TECPR2: variants seen among roughly 807,000 people sequenced by gnomAD.
TECPR2 encodes the protein tectonin beta-propeller repeat-containing protein 2.
In TECPR2, 65 loss-of-function variants were observed where a neutral mutation model predicts 138.1. The ratio of observed to expected loss-of-function variants is 0.47; its 90% CI spans 0.39 to 0.58. The LOEUF is 0.58. Among genes scored for constraint, TECPR2 ranks in the 20% least tolerant of loss-of-function variants. The pLI is 0.00. For missense variants in TECPR2, 1,553 were observed against 1,824.5 expected (o/e 0.85, Z 2.71); for synonymous variants, 746 against 749.8 (o/e 0.99, Z 0.08).
chr14:102,428,487 A>C (rs975404387), intron 7 of TECPR2, 105 bp downstream of exon 7: 2 of 1,535,622 alleles, frequency 1.3e-6, no homozygotes, highest in East Asian at 4.7e-5. Context: ...TGGGCCAGGC[A>C]TGGTGGCTCA....
intron 17 of TECPR2, among the ~76,000 whole-genome samples, chr14:102,474,572 C>T (rs1468055836): frequency 5.3e-5 from 8 of 152,048 alleles, no homozygotes; most frequent in Admixed American, 3.3e-4. Flanking sequence ...TGTGATGAGC[C>T]GAGATCGCGC....
intron 17 of TECPR2, among the ~76,000 whole-genome samples, chr14:102,493,398 C>A (rs1891200562): frequency 6.6e-6 from 1 of 152,194 alleles, no homozygotes; most frequent in South Asian, 2.1e-4. Context: ...TCAGCCTCGG[C>A]CTCAGCTGGC....
At chr14:102,480,099 G>C (rs1890854072) in intron 17 of TECPR2, among the ~76,000 whole-genome samples, 2 of 152,038 alleles carry the variant, frequency 1.3e-5, no homozygotes, top group Admixed American at 1.3e-4. Context: ...AAAGTGAAGG[G>C]TCATATCCAC....
chr14:102,407,196 C>T, intron 2 of TECPR2, 142 bp from the exon 3 acceptor site: 2 of 1,114,348 alleles, frequency 1.8e-6, no homozygotes, highest in South Asian at 2.1e-5. Context: ...GATGTAATTT[C>T]TGACTTGTAT....
intron 1 of TECPR2, among the ~76,000 whole-genome samples, chr14:102,364,357 C>T (rs551656004): frequency 1.2e-4 from 18 of 152,150 alleles, no homozygotes; most frequent in Non-Finnish European, 2.4e-4. Context: ...ACCTGACTTA[C>T]GTCCCATATT....
chr14:102,452,550 G>A lies in TECPR2; in HGVS notation c.3563G>A (p.Gly1188Asp). ...GCGCTGTGGGCGCTGGACAGCCTCGGCCAGGTGTTCATCAGGACGCTCTCC... is the reference window on the plus strand; with the variant it reads ...GCGCTGTGGGCGCTGGACAGCCTCGACCAGGTGTTCATCAGGACGCTCTCC... Reference protein sequence around the residue: ...QDALWALDSLGQVFIRTLSKS... With the variant: ...QDALWALDSLDQVFIRTLSKS... The change falls in exon 16 of 20, where the codon GGC becomes GAC. Residue 1188 changes from glycine to aspartate, a missense_variant. Transcript: ENST00000359520. The A allele has an allele frequency of 1.9e-6, 3 of 1,611,106 alleles. No homozygotes were observed. The highest frequency in any genetic ancestry group is 2.2e-5 in the East Asian group (1 of 44,800).
chr14:102,431,705 A>G, intron 7 of TECPR2, 91 bp from the exon 8 acceptor site: 1 of 1,300,348 alleles, frequency 7.7e-7, no homozygotes, highest in Non-Finnish European at 1.1e-6. Context: ...TGCCTCTGTG[A>G]CAACTGGTAT....
At chr14:102,366,567 G>A (rs1331944975) in intron 1 of TECPR2, among the ~76,000 whole-genome samples, 3 of 152,014 alleles carry the variant, frequency 2.0e-5, no homozygotes, top group Non-Finnish European at 1.5e-5. Context: ...GACTGGTCTC[G>A]AACTCCTGGC....
Position 102,428,386 on chromosome 14 carries a change from T to C in TECPR2, c.1084+4T>C. On this transcript the variant is annotated splice_donor_region_variant and intron_variant, in intron 7 of 19. Transcript: ENST00000359520. Reference sequence around the variant, plus strand: ...CCTGAAGGATTAACATCAACAGGTTTGTATTTATTATAAAATGTACCATGT... The same window carrying C: ...CCTGAAGGATTAACATCAACAGGTTCGTATTTATTATAAAATGTACCATGT... 3 of 1,608,864 alleles carry C rather than the reference T, an allele frequency of 1.9e-6. No individual in the cohort carries two copies. In the South Asian group the frequency reaches 3.4e-5, roughly 18 times the overall value.
At chr14:102,439,997 A>G (rs560791128) in intron 10 of TECPR2, among the ~76,000 whole-genome samples, 2 of 152,266 alleles carry the variant, frequency 1.3e-5, no homozygotes, top group East Asian at 1.9e-4. Flanking sequence ...TTGAATCCCT[A>G]AAGGACTTTT....
intron 2 of TECPR2, among the ~76,000 whole-genome samples, chr14:102,384,608 C>A (rs962062277): frequency 6.6e-6 from 1 of 150,896 alleles, no homozygotes; most frequent in African/African-American, 2.4e-5. Flanking sequence ...ACCCGGGAGG[C>A]GGAGATTGCA....
intron 2 of TECPR2, among the ~76,000 whole-genome samples, chr14:102,390,787 C>T (rs1464996241): frequency 1.4e-5 from 2 of 144,358 alleles, no homozygotes; most frequent in African/African-American, 5.3e-5. Context: ...TTGCTGCCCA[C>T]GTATATCAGG....
intron 19 of TECPR2, among the ~76,000 whole-genome samples, 160 bp downstream of exon 19, chr14:102,497,879 G>T (rs1020004495): frequency 6.6e-6 from 1 of 152,228 alleles, no homozygotes; most frequent in African/African-American, 2.4e-5. Context: ...GAGGGAAGGG[G>T]CTGGACACCT....
rs530278835 is a variant in TECPR2, at chr14:102,494,191, A to T, written c.3790-2788A>T. ...TGAGCGACCAAAGGGCTGAGGGAGC[A>T]GCGAAGGGAGCCCCTCGCTAGGACT... On this transcript the variant is annotated intron_variant, in intron 17 of 19. Transcript: ENST00000359520. 5.8e-4 allele frequency among the ~76,000 whole-genome samples: 89 copies of T among 152,288 alleles called. 3 individuals are homozygous for T. In the South Asian group the frequency reaches 9.3e-3, roughly 16 times the overall value.
intron 17 of TECPR2, among the ~76,000 whole-genome samples, chr14:102,476,352 C>A (rs1394922492): frequency 2.8e-5 from 4 of 144,838 alleles, no homozygotes; most frequent in Non-Finnish European, 4.5e-5. Context: ...GGCAAGATGG[C>A]AAGACCCTGC....
rs991478149 is a variant in TECPR2 at position 102,419,914 on chromosome 14, C to T, written c.639-5065C>T. Among the ~76,000 whole-genome samples the T allele has an allele frequency of 3.3e-5, 5 of 152,050 alleles. No homozygotes were observed. Among genetic ancestry groups the T allele is most frequent in the Non-Finnish European group, 5.9e-5 (4 of 68,004 alleles). On this transcript the variant is annotated intron_variant, in intron 5 of 19. Coordinates refer to ENST00000359520, the MANE Select transcript of TECPR2 (RefSeq NM_014844.5). The surrounding 1 kb of genome is among the most constrained non-coding windows in gnomAD (Gnocchi z 4.8). ...CGCAGCAATCTGTAGGTGTGGCGCC[C>T]GCATGTGGGTAAGAGCCAGCAGCCG...
Position 102,440,676 on chromosome 14 carries a change from G to C in TECPR2, c.2752+67G>C. ...CACTGCCTCTGCTGCACCCTGCTTT[G>C]CTAGTAACATGCTTACCACAATCGC... On this transcript the variant is annotated intron_variant, in intron 11 of 19. Coordinates refer to ENST00000359520, the MANE Select transcript of TECPR2 (RefSeq NM_014844.5). 1.9e-6 allele frequency: 3 copies of C among 1,543,780 alleles called. No homozygotes were observed. The South Asian group carries it at 3.6e-5, about 19-fold the overall frequency.
chr14:102,475,257 G>T (rs927049184), intron 17 of TECPR2, among the ~76,000 whole-genome samples: 4 of 152,194 alleles, frequency 2.6e-5, no homozygotes, highest in Admixed American at 1.3e-4. Flanking sequence ...TAAGCAGAGG[G>T]GACATGAAGT....
intron 6 of TECPR2, 44 bp from the exon 7 acceptor site, chr14:102,428,206 T>C: frequency 2.0e-6 from 3 of 1,499,978 alleles, no homozygotes; most frequent in Non-Finnish European, 2.7e-6. Flanking sequence ...TACCGTTGTT[T>C]AGTTTTGTGT....
Sources: gnomAD v4.1 joint callset for allele counts (sites outside exome capture counted in the v4.1 genomes callset) on GRCh38, gnomAD v4.1.1 for gene constraint, Gnocchi (gnomAD v3.1) non-coding constraint, MANE v1.5 for transcripts, NCBI Gene and HGNC (gene_info 2026-07-23, HGNC 2026-07-21) for gene names.